TSHZ2: variants seen among roughly 807,000 people sequenced by gnomAD.
The protein encoded by TSHZ2 is teashirt homolog 2.
Under a neutral mutation model 74.4 loss-of-function variants are expected in TSHZ2, and 21 were observed. That is an observed-to-expected ratio of 0.28 (90% CI 0.20 to 0.41). The LOEUF (loss-of-function observed/expected upper bound fraction) is 0.41, where lower values mean the gene tolerates loss of function less well. Ranked by LOEUF, TSHZ2 falls within the 10% of genes least tolerant of loss-of-function variation. TSHZ2 has a pLI of 1.00. For synonymous variants in TSHZ2, 540 were observed against 515.3 expected (o/e 1.05, Z -0.65); for missense variants, 1,244 against 1,293.5 (o/e 0.96, Z 0.59).
chr20:53,197,700 G>A (rs1267241371), intron 1 of TSHZ2, among the ~76,000 whole-genome samples: 1 of 152,190 alleles, frequency 6.6e-6, no homozygotes, highest in Non-Finnish European at 1.5e-5. Context: ...TCCCGTTTCT[G>A]CAAAATGCTG....
intron 1 of TSHZ2, among the ~76,000 whole-genome samples, chr20:53,007,133 C>T (rs1041632773): frequency 1.9e-4 from 29 of 152,240 alleles, no homozygotes; most frequent in African/African-American, 7.0e-4. Flanking sequence ...GCAAGAAAGG[C>T]TTCCCTGAGG....
intron 2 of TSHZ2, among the ~76,000 whole-genome samples, chr20:53,447,763 A>G (rs964235873): frequency 6.6e-6 from 1 of 152,088 alleles, no homozygotes; most frequent in Non-Finnish European, 1.5e-5. Context: ...GATTGATGCT[A>G]TGGATGTGTG....
Position 53,429,422 on chromosome 20 carries a change from G to C in TSHZ2, c.*9-57722G>C, listed in dbSNP as rs146278771. On this transcript the variant is annotated intron_variant, in intron 2 of 2. Coordinates refer to ENST00000371497, the MANE Select transcript of TSHZ2 (RefSeq NM_173485.6). ...CCCAGTGGGAGGTAATCGAATCATG[G>C]GGGCGGGTCTTTCCCGTGCTGTTCT... 4.5e-3 allele frequency among the ~76,000 whole-genome samples: 693 copies of C among 152,324 alleles called. 3 individuals carry two copies. The highest frequency in any genetic ancestry group is 0.016 in the African/African-American group (670 of 41,570).
chr20:53,048,126 A>G (rs1050426798), intron 1 of TSHZ2, among the ~76,000 whole-genome samples: 18 of 152,082 alleles, frequency 1.2e-4, no homozygotes, highest in Admixed American at 6.5e-5. Context: ...ATCATTCTCC[A>G]TCTTGTGCAA....
chr20:53,021,351 C>T (rs964591834), intron 1 of TSHZ2, among the ~76,000 whole-genome samples: 1 of 152,138 alleles, frequency 6.6e-6, no homozygotes, highest in African/African-American at 2.4e-5. Context: ...GAAACCATGA[C>T]AATGGAACCA....
In TSHZ2 at chr20:53,244,459, T is replaced by C. The variant is rs531841050; in HGVS notation, c.41-9040T>C. Among the ~76,000 whole-genome samples the C allele has an allele frequency of 2.0e-5, 3 of 152,286 alleles. No individual in the cohort carries two copies. The South Asian group carries it at 6.2e-4, about 32-fold the overall frequency. ...TGTTCCTGATTTGTGACTCTCTGGG[T>C]GTAAGGATAATGTAAGGATAATGAT... On this transcript the variant is annotated intron_variant, in intron 1 of 2. Coordinates refer to ENST00000371497, the MANE Select transcript of TSHZ2 (RefSeq NM_173485.6).
rs558944532 is a variant in TSHZ2 at position 53,163,344 on chromosome 20, C to T, written c.41-90155C>T. Among the ~76,000 whole-genome samples the T allele has an allele frequency of 7.0e-5, 10 of 142,050 alleles. No individual in the cohort carries two copies. In the South Asian group the frequency reaches 1.6e-3, roughly 23 times the overall value. 93.2% of individuals were successfully genotyped at this position (142,050 alleles called of 152,430 possible). A position where few individuals can be genotyped will look rare whatever the true frequency, so the allele number is the denominator to read the frequency against. Reference sequence around the variant, plus strand: ...GATGGTGGCTTCCATCTTAAGTGCACGCACGCTCTCTGTCTCTTTTTTTTT... The same window carrying T: ...GATGGTGGCTTCCATCTTAAGTGCATGCACGCTCTCTGTCTCTTTTTTTTT... On this transcript the variant is annotated intron_variant, in intron 1 of 2. Transcript: ENST00000371497.
At chr20:53,096,285 G>A (rs1333109917) in intron 1 of TSHZ2, among the ~76,000 whole-genome samples, 2 of 152,130 alleles carry the variant, frequency 1.3e-5, no homozygotes, top group Non-Finnish European at 2.9e-5. Flanking sequence ...GAGACTACAG[G>A]CGTGCACCAC....
chr20:53,332,587 G>A (rs188254650), intron 2 of TSHZ2, among the ~76,000 whole-genome samples: 87 of 152,246 alleles, frequency 5.7e-4, no homozygotes, highest in Non-Finnish European at 1.1e-3. Context: ...ATGCAGGCAC[G>A]CATGTGTTTG....
At chr20:53,411,968 T>G (rs188986630) in intron 2 of TSHZ2, among the ~76,000 whole-genome samples, 1 of 152,236 alleles carries the variant, frequency 6.6e-6, no homozygotes, top group Non-Finnish European at 1.5e-5. Flanking sequence ...ACATGTTGAA[T>G]AGGCATGTTG....
chr20:53,440,092 A>G (rs866510063), intron 2 of TSHZ2, among the ~76,000 whole-genome samples: 4 of 151,952 alleles, frequency 2.6e-5, no homozygotes, highest in South Asian at 2.1e-4. Context: ...CACTGGGAAC[A>G]GTTGGCCGTC....
chr20:53,154,261 G>T (rs1600714969), intron 1 of TSHZ2, among the ~76,000 whole-genome samples: 1 of 152,194 alleles, frequency 6.6e-6, no homozygotes, highest in East Asian at 1.9e-4. Context: ...CTTTAGTTTT[G>T]TTAGGAAAGG....
chr20:53,051,538 C>G (rs560243930), intron 1 of TSHZ2, among the ~76,000 whole-genome samples: 1 of 151,322 alleles, frequency 6.6e-6, no homozygotes, highest in East Asian at 2.0e-4. Flanking sequence ...TATTCAAGCT[C>G]TTTTGCTGTA....
At chr20:53,051,301 T>C (rs1282454794) in intron 1 of TSHZ2, among the ~76,000 whole-genome samples, 2 of 152,170 alleles carry the variant, frequency 1.3e-5, no homozygotes, top group East Asian at 3.9e-4. Flanking sequence ...ATTTTGCCAC[T>C]GCACTCCAGC....
At chr20:53,183,249 C>T (rs910862158) in intron 1 of TSHZ2, among the ~76,000 whole-genome samples, 1 of 152,132 alleles carries the variant, frequency 6.6e-6, no homozygotes, top group Non-Finnish European at 1.5e-5. Flanking sequence ...GTGTTTCCCT[C>T]GAGAATATTT....
Position 53,394,567 on chromosome 20 carries a change from A to G in TSHZ2, c.*9-92577A>G, listed in dbSNP as rs569737742. Among the ~76,000 whole-genome samples, 4 of 152,178 alleles carry G rather than the reference A, an allele frequency of 2.6e-5. No homozygotes were observed. In the South Asian group the frequency reaches 8.3e-4, roughly 32 times the overall value. On this transcript the variant is annotated intron_variant, in intron 2 of 2. Transcript: ENST00000371497. ...CTAGACCCATCCAGTCCTGCTCTTCAGGAATGTGGTTTAGGTCAAAAGGCA... is the reference window on the plus strand; with the variant it reads ...CTAGACCCATCCAGTCCTGCTCTTCGGGAATGTGGTTTAGGTCAAAAGGCA...
intron 1 of TSHZ2, among the ~76,000 whole-genome samples, chr20:53,160,091 C>T (rs114302220): frequency 0.011 from 1,622 of 152,224 alleles, 33 homozygotes; most frequent in African/African-American, 0.037. Context: ...TAGGAGGGCA[C>T]ATAGTAGGCC....
intron 2 of TSHZ2, among the ~76,000 whole-genome samples, chr20:53,357,053 A>G (rs1980873234): frequency 6.6e-6 from 1 of 152,162 alleles, no homozygotes; most frequent in South Asian, 2.1e-4. Context: ...AAACACAAAA[A>G]TCAAAACCAA....
chr20:53,304,901 A>C (rs1427835979), intron 2 of TSHZ2, among the ~76,000 whole-genome samples: 2 of 149,888 alleles, frequency 1.3e-5, no homozygotes, highest in Non-Finnish European at 2.9e-5. Context: ...AAGTGCTGGG[A>C]TTACAGGCAT....
Sources: allele counts gnomAD v4.1 joint callset (sites outside exome capture counted in the v4.1 genomes callset), GRCh38; gene constraint gnomAD v4.1.1; transcripts MANE v1.5; gene names NCBI Gene and HGNC (gene_info 2026-07-23, HGNC 2026-07-21).